Variants in SAMSN1 observed in about 807,000 individuals in gnomAD.
SAMSN1 encodes SAM domain, SH3 domain and nuclear localization signals 1, also known as SAM domain-containing protein SAMSN-1.
A neutral mutation model predicts 42.0 loss-of-function variants in SAMSN1; 31 were observed. That is an observed-to-expected ratio of 0.74 (90% CI 0.55 to 1.00). The LOEUF (loss-of-function observed/expected upper bound fraction) is 1.00. Among genes scored for constraint, SAMSN1 ranks in the 50% least tolerant of loss-of-function variants. The probability of loss-of-function intolerance (pLI) is 0.00; values close to 1 mark genes in which losing one functional copy is unlikely to be tolerated. For synonymous variants in SAMSN1, 178 were observed against 151.9 expected, an observed-to-expected ratio of 1.17 and a Z score of -1.26; for missense variants, 464 against 439.4, an observed-to-expected ratio of 1.06 and a Z score of -0.50.
At chr21:14,596,483 T>G (rs777883646) in intron 6 of SAMSN1, among the ~76,000 whole-genome samples, 2 of 152,178 alleles carry the variant, frequency 1.3e-5, no homozygotes, top group Non-Finnish European at 2.9e-5. Context: ...AACCTAAGAC[T>G]GCCCCTCACC....
chr21:14,515,317 T>C (rs764006631), intron 3 of SAMSN1, among the ~76,000 whole-genome samples: 2 of 152,156 alleles, frequency 1.3e-5, no homozygotes, highest in Non-Finnish European at 2.9e-5. Context: ...GTAAACTCAC[T>C]TATTTATGAT....
chr21:14,548,210 G>A (rs150854503), upstream of SAMSN1, among the ~76,000 whole-genome samples: 1,196 of 152,276 alleles, frequency 7.9e-3, 5 homozygotes, highest in Middle Eastern at 0.017. Flanking sequence ...AAATGGCAAT[G>A]ATAATGCTTG....
At chr21:14,494,540 C>T (rs898628424) in intron 7 of SAMSN1, among the ~76,000 whole-genome samples, 4 of 152,168 alleles carry the variant, frequency 2.6e-5, no homozygotes, top group Non-Finnish European at 4.4e-5. Context: ...GGGAACATCA[C>T]ACACCACTGC....
At chr21:14,517,183 G>T in intron 2 of SAMSN1, 142 bp from the exon 3 acceptor site, 1 of 687,228 alleles carries the variant, frequency 1.5e-6, no homozygotes, top group Non-Finnish European at 2.3e-6. Flanking sequence ...TAACAATCCG[G>T]ACATAACACA....
intron 1 of SAMSN1, among the ~76,000 whole-genome samples, chr21:14,649,827 A>C (rs543594703): frequency 6.6e-6 from 1 of 152,004 alleles, no homozygotes; most frequent in Admixed American, 6.6e-5. Flanking sequence ...AGAAAGAGAG[A>C]AAATGAAGGG....
chr21:14,560,803 T>C (rs1193996286), intron 2 of SAMSN1, among the ~76,000 whole-genome samples: 1 of 152,234 alleles, frequency 6.6e-6, no homozygotes, highest in East Asian at 1.9e-4. Flanking sequence ...GTATACATGC[T>C]CGCCTTACAT....
In SAMSN1 at chr21:14,577,269, TATATATATATATA is replaced by T. The variant is rs1568816141; in HGVS notation, c.261+4854_261+4866del. On this transcript the variant is annotated intron_variant, in intron 2 of 8. Transcript: ENST00000285670. Reference sequence around the variant, plus strand: ...ATATATATATATATATATATATATATATATATATATATATATTTTTTTTTTAGAAGAGACAGGG... The same window carrying T: ...ATATATATATATATATATATATATATTATTTTTTTTTTAGAAGAGACAGGG... 1.5e-3 allele frequency among the ~76,000 whole-genome samples: 77 copies of T among 52,542 alleles called. 8 individuals are homozygous for T. The highest frequency in any genetic ancestry group is 7.4e-3 in the African/African-American group (62 of 8,410). 34.5% of individuals were successfully genotyped at this position (52,542 alleles called of 152,430 possible).
intron 2 of SAMSN1, among the ~76,000 whole-genome samples, chr21:14,621,550 G>A (rs980795463): frequency 3.3e-5 from 5 of 151,958 alleles, no homozygotes; most frequent in Admixed American, 3.3e-4. Flanking sequence ...CTCATTGCTA[G>A]CACAGCAGTC....
At chr21:14,637,822 C>A (rs945447511) in intron 2 of SAMSN1, among the ~76,000 whole-genome samples, 6 of 152,106 alleles carry the variant, frequency 3.9e-5, no homozygotes, top group Admixed American at 3.3e-4. Context: ...GTGCCTGGGG[C>A]CGGCTTAACA....
At chr21:14,551,641 T>C (rs1486746193) in intron 2 of SAMSN1, among the ~76,000 whole-genome samples, 2 of 152,130 alleles carry the variant, frequency 1.3e-5, no homozygotes, top group East Asian at 3.8e-4. Flanking sequence ...TGATTAAAAG[T>C]TGTAATTTTC....
chr21:14,533,627 G>A (rs1979406618), intron 1 of SAMSN1, among the ~76,000 whole-genome samples: 1 of 152,120 alleles, frequency 6.6e-6, no homozygotes, highest in South Asian at 2.1e-4. Context: ...ACAACTTCAA[G>A]GTGACTAATT....
At chr21:14,493,084 C>T (rs1035187521) in intron 7 of SAMSN1, among the ~76,000 whole-genome samples, 4 of 152,178 alleles carry the variant, frequency 2.6e-5, no homozygotes, top group South Asian at 4.1e-4. Flanking sequence ...CTCCTGGCTG[C>T]GGCCCGCCAT....
At chr21:14,550,440 T>C (rs1030910483), upstream of SAMSN1, among the ~76,000 whole-genome samples, 1 of 152,072 alleles carries the variant, frequency 6.6e-6, no homozygotes, top group African/African-American at 2.4e-5. Flanking sequence ...TAGGGGAAGA[T>C]AAAATTCTGA....
At chr21:14,595,045 A>G (rs995700541) in intron 6 of SAMSN1, among the ~76,000 whole-genome samples, 3 of 152,106 alleles carry the variant, frequency 2.0e-5, no homozygotes, top group Non-Finnish European at 4.4e-5. Flanking sequence ...CGGAGGGGCT[A>G]CACACTTGTA....
chr21:14,569,990 C>T (rs9978243), intron 2 of SAMSN1, among the ~76,000 whole-genome samples: 24,469 of 151,720 alleles, frequency 0.16, 2,068 homozygotes, highest in East Asian at 0.3. Context: ...ACTTTCCCCC[C>T]CCCCAGTTTT....
intron 1 of SAMSN1, among the ~76,000 whole-genome samples, chr21:14,653,234 G>A (rs567286615): frequency 1.3e-5 from 2 of 151,918 alleles, no homozygotes; most frequent in South Asian, 2.1e-4. Flanking sequence ...CTAAGATTTG[G>A]ACACAACCTA....
At chr21:14,629,195 C>T (rs1490392847) in intron 2 of SAMSN1, among the ~76,000 whole-genome samples, 1 of 152,132 alleles carries the variant, frequency 6.6e-6, no homozygotes, top group Non-Finnish European at 1.5e-5. Flanking sequence ...TCAGAAAGAA[C>T]ACCCTTCTTC....
intron 7 of SAMSN1, chr21:14,496,527 C>G (rs571715075): frequency 6.6e-6 from 1 of 152,310 alleles, no homozygotes; most frequent in South Asian, 2.1e-4. Flanking sequence ...CATAATAAAA[C>G]TCTATAGAAT....
At chr21:14,529,979 T>C (rs1335018525) in intron 1 of SAMSN1, among the ~76,000 whole-genome samples, 1 of 152,156 alleles carries the variant, frequency 6.6e-6, no homozygotes, top group Non-Finnish European at 1.5e-5. Context: ...TTTCAAAAAT[T>C]AGTAGATTTG....
Sources: allele counts gnomAD v4.1 joint callset (sites outside exome capture counted in the v4.1 genomes callset), GRCh38; gene constraint gnomAD v4.1.1; transcripts MANE v1.5; gene names NCBI Gene and HGNC (gene_info 2026-07-23, HGNC 2026-07-21).